The following BAZ2B variants were observed in gnomAD, a reference collection of about 807,000 sequenced individuals.
BAZ2B encodes the protein bromodomain adjacent to zinc finger domain 2B.
A neutral mutation model predicts 246.0 loss-of-function variants in BAZ2B; 91 were observed. That is an observed-to-expected ratio of 0.37 (90% confidence interval 0.31 to 0.44). The LOEUF (loss-of-function observed/expected upper bound fraction) is 0.44, where lower values mean the gene tolerates loss of function less well. Ranked by LOEUF, BAZ2B falls within the 20% of genes least tolerant of loss-of-function variation. BAZ2B has a pLI of 1.00. For missense variants in BAZ2B, 2,332 were observed against 2,533.7 expected (o/e 0.92, Z 1.71); for synonymous variants, 855 against 860.0 (o/e 0.99, Z 0.10).
chr2:159,511,719 G>T (rs1577961140), intron 2 of BAZ2B, among the ~76,000 whole-genome samples: 2 of 152,076 alleles, frequency 1.3e-5, no homozygotes, highest in East Asian at 3.8e-4. Flanking sequence ...CTATTTTTAT[G>T]ACTAAGTAGA....
chr2:159,349,333 G>GA, intron 28 of BAZ2B, 53 bp from the exon 29 acceptor site: 2 of 1,451,628 alleles, frequency 1.4e-6, no homozygotes, highest in Non-Finnish European at 1.8e-6. Context: ...AAGAAGTTAG[G>GA]AAAAATGTTT....
chr2:159,499,497 T>A (rs1296599351), intron 2 of BAZ2B, among the ~76,000 whole-genome samples: 1 of 152,206 alleles, frequency 6.6e-6, no homozygotes, highest in Admixed American at 6.5e-5. Flanking sequence ...CGTGTATGTA[T>A]CTTTATACTA....
intron 2 of BAZ2B, among the ~76,000 whole-genome samples, chr2:159,482,744 G>A (rs966217663): frequency 6.6e-6 from 1 of 151,980 alleles, no homozygotes; most frequent in African/African-American, 2.4e-5. Flanking sequence ...TACAAATACA[G>A]ATGAAAAATT....
At chr2:159,678,184 C>G in the BAZ2B span, among the ~76,000 whole-genome samples, 1 of 152,062 alleles carries the variant, frequency 6.6e-6, no homozygotes, top group East Asian at 1.9e-4. Context: ...CAAACATAGT[C>G]TGGAATAAAA....
the BAZ2B span, among the ~76,000 whole-genome samples, chr2:159,650,356 C>T: frequency 6.6e-6 from 1 of 151,882 alleles, no homozygotes; most frequent in Non-Finnish European, 1.5e-5. Flanking sequence ...ACGATTTAAT[C>T]CTTTCAGGTC....
chr2:159,622,971 C>CAA, the BAZ2B span, among the ~76,000 whole-genome samples: 32 of 70,636 alleles, frequency 4.5e-4, no homozygotes, highest in African/African-American at 1.3e-3. Flanking sequence ...GACCCTGTCT[C>CAA]AAAAAAAAAA....
At chr2:159,554,883 C>T (rs1339781935) in intron 2 of BAZ2B, among the ~76,000 whole-genome samples, 1 of 152,006 alleles carries the variant, frequency 6.6e-6, no homozygotes, top group Non-Finnish European at 1.5e-5. Context: ...TCCTTACACA[C>T]AACAGAAATT....
At chr2:159,434,682 T>C (rs967290853) in intron 8 of BAZ2B, 2 of 152,114 alleles carry the variant, frequency 1.3e-5, no homozygotes, top group Non-Finnish European at 2.9e-5. Flanking sequence ...TTTAGGTTGC[T>C]GAATGAATAA....
chr2:159,482,485 T>C (rs1354487995), intron 2 of BAZ2B, among the ~76,000 whole-genome samples: 1 of 152,180 alleles, frequency 6.6e-6, no homozygotes, highest in East Asian at 1.9e-4. Flanking sequence ...CATCTATGTA[T>C]ATAATTACCC....
intron 4 of BAZ2B, among the ~76,000 whole-genome samples, chr2:159,450,739 C>A (rs2074965812): frequency 1.6e-5 from 2 of 127,636 alleles, no homozygotes; most frequent in Non-Finnish European, 3.8e-5. Context: ...CAACATTTAA[C>A]TCTTTTTTTT....
At chr2:159,347,813 C>G (rs553426285) in intron 30 of BAZ2B, among the ~76,000 whole-genome samples, 167 bp from the exon 31 acceptor site, 1 of 151,974 alleles carries the variant, frequency 6.6e-6, no homozygotes. Context: ...AGTAGAAACA[C>G]GCTAAGAAAC....
intron 2 of BAZ2B, among the ~76,000 whole-genome samples, chr2:159,522,599 A>G (rs1428023015): frequency 6.6e-6 from 1 of 152,216 alleles, no homozygotes; most frequent in Non-Finnish European, 1.5e-5. Flanking sequence ...GAAATAAGTA[A>G]ACAATTAGAC....
At chr2:159,368,027 C>T (rs1300251750) in intron 27 of BAZ2B, among the ~76,000 whole-genome samples, 2 of 152,220 alleles carry the variant, frequency 1.3e-5, no homozygotes, top group African/African-American at 4.8e-5. Context: ...GTCAGACACA[C>T]TACGTGCTCA....
chr2:159,502,974 TTCTC>T (rs2081995157), intron 2 of BAZ2B, among the ~76,000 whole-genome samples: 1 of 152,204 alleles, frequency 6.6e-6, no homozygotes, highest in African/African-American at 2.4e-5. Context: ...TATATATATC[TTCTC>T]TCTATTCCCA....
chr2:159,418,933 T>G, intron 13 of BAZ2B, among the ~76,000 whole-genome samples: 1 of 151,668 alleles, frequency 6.6e-6, no homozygotes, highest in Non-Finnish European at 1.5e-5. Context: ...AGTAAAATAT[T>G]TGTGGGGTAT....
At chr2:159,346,918 TA>T (rs1273772659) in intron 31 of BAZ2B, among the ~76,000 whole-genome samples, 1 of 152,134 alleles carries the variant, frequency 6.6e-6, no homozygotes, top group Non-Finnish European at 1.5e-5. Context: ...AATAAATCAG[TA>T]AATAAAAACT....
intron 2 of BAZ2B, among the ~76,000 whole-genome samples, chr2:159,519,828 T>C (rs2083936632): frequency 1.7e-5 from 1 of 59,120 alleles, no homozygotes; most frequent in Non-Finnish European, 4.4e-5. Flanking sequence ...GGGACCTTTC[T>C]TTTTAACTGA....
Position 159,428,327 on chromosome 2 carries a change from TA to T in BAZ2B, c.2347del (p.Tyr783ThrfsTer4). The T allele has an allele frequency of 6.2e-7, 1 of 1,612,872 alleles. No individual in the cohort carries two copies. The highest frequency in any genetic ancestry group is 8.5e-7 in the Non-Finnish European group (1 of 1,179,360). ...AGTATGTACCTTTATTACTTCAGGG[TA>T]CTGCCTAAGTTTCTTTCCACATGGA... ...YAPCGKKLRQ[Y>X]PEVIKYLSRN... On this transcript the variant is annotated frameshift_variant, in exon 12 of 37. Transcript: ENST00000392783. LOFTEE classifies it high-confidence loss of function.
intron 33 of BAZ2B, among the ~76,000 whole-genome samples, chr2:159,335,329 T>C (rs1026808183): frequency 1.3e-5 from 2 of 151,888 alleles, no homozygotes; most frequent in African/African-American, 4.8e-5. Flanking sequence ...GGCGGATCAT[T>C]TGAGTTCAGG....
Sources: gnomAD v4.1 joint callset for allele counts (sites outside exome capture counted in the v4.1 genomes callset) on GRCh38, gnomAD v4.1.1 for gene constraint, MANE v1.5 for transcripts, NCBI Gene and HGNC (gene_info 2026-07-23, HGNC 2026-07-21) for gene names.